CACNA2D4: variants seen among roughly 807,000 people sequenced by gnomAD.
CACNA2D4 encodes the protein calcium voltage-gated channel auxiliary subunit alpha2delta 4, also known as voltage-dependent calcium channel subunit alpha-2/delta-4.
CACNA2D4 carries 157 observed loss-of-function variants against 163.8 expected under a neutral mutation model. The observed-to-expected ratio is 0.96, with a 90% confidence interval of 0.84 to 1.09. CACNA2D4 has a LOEUF of 1.09. Ranked by LOEUF, CACNA2D4 falls within the 50% of genes least tolerant of loss-of-function variation. The pLI, the probability that CACNA2D4 is intolerant of heterozygous loss-of-function variation, is 0.00. For missense variants in CACNA2D4, 1,410 were observed against 1,479.9 expected (o/e 0.95, Z 0.78); for synonymous variants, 598 against 586.9 (o/e 1.02, Z -0.27).
rs748415376 is a variant in CACNA2D4, at chr12:1,918,443, G to A, written c.31C>T (p.Leu11Phe). 13 of 1,580,424 alleles carry A rather than the reference G, an allele frequency of 8.2e-6. No homozygotes were observed. In the South Asian group the frequency reaches 1.3e-4, roughly 15 times the overall value. Residue 11 changes from leucine to phenylalanine, a missense_variant, in exon 1 of 38, where the codon CTC becomes TTC. Leu to Phe is a conservative substitution (Grantham distance 22). Coordinates refer to ENST00000382722, the MANE Select transcript of CACNA2D4 (RefSeq NM_172364.5). ...GGCATGGTGGGCCTGGGGTTGGGGA[G>A]GGGAAGGAGGGCAGAGCAGCCACAG... MVCGCSALLP[L>F]PNPRPTMPAT... is the part of the protein sequence containing the mutation.
chr12:1,800,157 C>A, intron 32 of CACNA2D4, 105 bp from the exon 33 acceptor site: 1 of 1,176,792 alleles, frequency 8.5e-7, no homozygotes. Context: ...CCCTCTCCTC[C>A]AGGACACCCT....
Position 1,800,441 on chromosome 12 carries a change from G to A in CACNA2D4, c.2869-3C>T. ...GCCGTCAAGAAGGCAGAAATTGGCT[G>A]GGAAGGAGAGAGTGCACACCGCTCG... is the stretch of plus-strand genomic sequence containing the variant. On this transcript the variant is annotated splice_polypyrimidine_tract_variant and splice_region_variant and intron_variant, in intron 31 of 37. Coordinates refer to ENST00000382722, the MANE Select transcript of CACNA2D4 (RefSeq NM_172364.5). 1.9e-6 allele frequency: 3 copies of A among 1,613,868 alleles called. No homozygotes were observed. The highest frequency in any genetic ancestry group is 1.7e-6 in the Non-Finnish European group (2 of 1,179,836).
intron 6 of CACNA2D4, among the ~76,000 whole-genome samples, chr12:1,900,891 C>A (rs1024658762): frequency 6.6e-6 from 1 of 152,086 alleles, no homozygotes; most frequent in Non-Finnish European, 1.5e-5. Context: ...TCAATGGCTA[C>A]AGAATACAAA....
At position 1,883,989 on chromosome 12, in the gene CACNA2D4, G is replaced by T; in HGVS notation, c.1351+254C>A. ...AGAAAACAGTGACCCTCTGCTTTTTGTCTGGGAGCAGAACCAGAGTCCATG... is the reference window on the plus strand; with the variant it reads ...AGAAAACAGTGACCCTCTGCTTTTTTTCTGGGAGCAGAACCAGAGTCCATG... On this transcript the variant is annotated intron_variant, in intron 12 of 37. Coordinates refer to ENST00000382722, the MANE Select transcript of CACNA2D4 (RefSeq NM_172364.5). This position sits in a 1 kb window ranked among gnomAD's most constrained non-coding sequence, Gnocchi z 4.5. 1 of 488,488 alleles carries T rather than the reference G, an allele frequency of 2.0e-6. No homozygotes were observed. The highest frequency in any genetic ancestry group is 3.7e-6 in the Non-Finnish European group (1 of 273,866). The allele number at this position is 488,488 out of a possible 1,614,324, so 30.3% of individuals were successfully genotyped here. A position where few individuals can be genotyped will look rare whatever the true frequency, so the allele number is the denominator to read the frequency against.
intron 26 of CACNA2D4, chr12:1,827,988 TAA>T: frequency 5.8e-6 from 3 of 520,348 alleles, no homozygotes; most frequent in Non-Finnish European, 6.6e-6. Context: ...ATGAGGAGTG[TAA>T]AGAGACACCC....
In CACNA2D4 at chr12:1,811,655, C is replaced by T. The variant is rs1863713933; in HGVS notation, c.2613+7G>A. 2 of 1,559,164 alleles carry T rather than the reference C, an allele frequency of 1.3e-6. No homozygotes were observed. The highest frequency in any genetic ancestry group is 1.9e-5 in the Admixed American group (1 of 52,836). On this transcript the variant is annotated splice_region_variant and intron_variant, in intron 27 of 37. Coordinates refer to ENST00000382722, the MANE Select transcript of CACNA2D4 (RefSeq NM_172364.5). ...CCAGCCCCGACCTGGCCCGACATCACACCTACCTGCCGCGTTGCCGCCCAG... is the reference window on the plus strand; with the variant it reads ...CCAGCCCCGACCTGGCCCGACATCATACCTACCTGCCGCGTTGCCGCCCAG...
rs80092457 is a variant in CACNA2D4, at chr12:1,793,763, C to T, written c.3310-4G>A. The T allele has an allele frequency of 0.013, 20,711 of 1,611,862 alleles. 542 individuals carry two copies. Among genetic ancestry groups the T allele is most frequent in the East Asian group, 0.069 (3,081 of 44,866 alleles). On this transcript the variant is annotated splice_region_variant and splice_polypyrimidine_tract_variant and intron_variant, in intron 37 of 37. Coordinates refer to ENST00000382722, the MANE Select transcript of CACNA2D4 (RefSeq NM_172364.5). ...CGCCGCAGTCCTGGGCATTCTCCTGCGAACGCAGAGCAGAGGTGACAGCGC... is the reference window on the plus strand; with the variant it reads ...CGCCGCAGTCCTGGGCATTCTCCTGTGAACGCAGAGCAGAGGTGACAGCGC...
chr12:1,844,150 C>G lies in CACNA2D4; in HGVS notation c.2470+252G>C, dbSNP rs114732984. Reference sequence around the variant, plus strand: ...GAATCCCATGCTGGGTTTTTAAACTCCAACTTTGATGGCTGGCTAGGGAAT... The same window carrying G: ...GAATCCCATGCTGGGTTTTTAAACTGCAACTTTGATGGCTGGCTAGGGAAT... On this transcript the variant is annotated intron_variant, in intron 25 of 37. Transcript: ENST00000382722. The surrounding 1 kb of genome is among the most constrained non-coding windows in gnomAD (Gnocchi z 4.2). Among the ~76,000 whole-genome samples the G allele has an allele frequency of 5.1e-3, 774 of 152,246 alleles. 4 individuals are homozygous for G. Among genetic ancestry groups the G allele is most frequent in the African/African-American group, 0.018 (733 of 41,530 alleles).
At chr12:1,860,864 G>C (rs1865509046) in intron 18 of CACNA2D4, among the ~76,000 whole-genome samples, 1 of 152,214 alleles carries the variant, frequency 6.6e-6, no homozygotes, top group African/African-American at 2.4e-5. Context: ...AAGTGGCTAA[G>C]GGCATGGCTG....
At chr12:1,845,654 G>A (rs1865128543) in intron 24 of CACNA2D4, among the ~76,000 whole-genome samples, 2 of 152,118 alleles carry the variant, frequency 1.3e-5, no homozygotes, top group South Asian at 4.1e-4. Flanking sequence ...CCTGGGTTGC[G>A]AAGCGGCAGG....
chr12:1,793,687 C>A lies in CACNA2D4; in HGVS notation c.3382G>T (p.Ala1128Ser), dbSNP rs1291375243. 2 of 1,613,840 alleles carry A rather than the reference C, an allele frequency of 1.2e-6. No individual in the cohort carries two copies. Among genetic ancestry groups the A allele is most frequent in the South Asian group, 2.2e-5 (2 of 91,090 alleles). The change falls in exon 38 of 38, where the codon GCC becomes TCC. Residue 1128 changes from alanine (A) to serine (S), a missense_variant. Transcript: ENST00000382722. ...AGGAGTTGGGGCAGTAGCCCCCAGG[C>A]ACACACAGGCAGCAGGAGTAGGGGC... is the stretch of plus-strand genomic sequence containing the variant. ...SPPLLLLPVC[A>S]WGLLPQLLR
At chr12:1,836,154 G>T (rs1270928156) in intron 26 of CACNA2D4, 1 of 152,360 alleles carries the variant, frequency 6.6e-6, no homozygotes, top group Non-Finnish European at 1.5e-5. Flanking sequence ...CCAGAGAGTG[G>T]GTGGGGAGCC....
chr12:1,878,842 G>T lies in CACNA2D4; in HGVS notation c.1644+114C>A. On this transcript the variant is annotated intron_variant, in intron 15 of 37. Coordinates refer to ENST00000382722, the MANE Select transcript of CACNA2D4 (RefSeq NM_172364.5). This position sits in a 1 kb window ranked among gnomAD's most constrained non-coding sequence, Gnocchi z 4.6. ...CCTGCACTTCTTGGGCAGTGATGGA[G>T]GGGCCCCACCCCAGCTCTGGGCTTG... 2 of 986,996 alleles carry T rather than the reference G, an allele frequency of 2.0e-6. No homozygotes were observed. The highest frequency in any genetic ancestry group is 2.6e-5 in the East Asian group (1 of 38,442). The allele number at this position is 986,996 out of a possible 1,614,324, so 61.1% of individuals were successfully genotyped here. A position where few individuals can be genotyped will look rare whatever the true frequency, so the allele number is the denominator to read the frequency against.
intron 23 of CACNA2D4, among the ~76,000 whole-genome samples, chr12:1,850,775 G>T (rs918519909): frequency 2.6e-5 from 4 of 151,996 alleles, no homozygotes; most frequent in African/African-American, 9.7e-5. Context: ...TTCACCAGGC[G>T]TGGTGGCAGG....
intron 1 of CACNA2D4, among the ~76,000 whole-genome samples, chr12:1,915,407 G>A (rs1285488541): frequency 6.6e-6 from 1 of 152,214 alleles, no homozygotes; most frequent in African/African-American, 2.4e-5. Flanking sequence ...GAGGAGAGAA[G>A]GAGGGGAGAG....
At chr12:1,823,807 A>G (rs1341870782) in intron 26 of CACNA2D4, among the ~76,000 whole-genome samples, 1 of 152,198 alleles carries the variant, frequency 6.6e-6, no homozygotes, top group Non-Finnish European at 1.5e-5. Context: ...TCTCAGCTCC[A>G]GCGGGAGTGG....
At chr12:1,913,222 C>T (rs958081675) in intron 2 of CACNA2D4, 83 bp from the exon 3 acceptor site, 1 of 914,020 alleles carries the variant, frequency 1.1e-6, no homozygotes, top group Non-Finnish European at 1.8e-6. Flanking sequence ...CCTCCAACCT[C>T]TCCACAGATG....
At chr12:1,918,219 T>C in intron 1 of CACNA2D4, 28 bp downstream of exon 1, 1 of 1,534,118 alleles carries the variant, frequency 6.5e-7, no homozygotes, top group Non-Finnish European at 8.9e-7. Flanking sequence ...GACCGGGTTT[T>C]TGGGGTGGGG....
intron 6 of CACNA2D4, among the ~76,000 whole-genome samples, chr12:1,904,155 G>C (rs1433228013): frequency 6.6e-6 from 1 of 151,852 alleles, no homozygotes; most frequent in East Asian, 1.9e-4. Context: ...TTTTTTGTGG[G>C]GGCTAAAAAT....
Sources: allele counts gnomAD v4.1 joint callset (sites outside exome capture counted in the v4.1 genomes callset), GRCh38; gene constraint gnomAD v4.1.1; non-coding constraint Gnocchi (gnomAD v3.1); transcripts MANE v1.5; gene names NCBI Gene and HGNC (gene_info 2026-07-23, HGNC 2026-07-21).